Variants in ZNF735 observed in about 807,000 individuals in gnomAD.
The protein encoded by ZNF735 is putative zinc finger protein 735.
In ZNF735, 11 loss-of-function variants were observed where a neutral mutation model predicts 13.4. That is an observed-to-expected ratio of 0.82 (90% confidence interval 0.52 to 1.36). The LOEUF is 1.36. Ranked by LOEUF, ZNF735 falls within the 40% of genes most tolerant of loss-of-function variation. ZNF735 has a pLI of 0.00. For missense variants in ZNF735, 500 were observed against 484.6 expected (o/e 1.03, Z -0.30); for synonymous variants, 171 against 162.6 (o/e 1.05, Z -0.39).
intron 3 of ZNF735, among the ~76,000 whole-genome samples, chr7:64,215,631 A>C (rs1273373861): frequency 6.7e-6 from 1 of 149,750 alleles, no homozygotes; most frequent in African/African-American, 2.5e-5. Flanking sequence ...TCTTTCCACT[A>C]TATTTTTTTC....
At chr7:64,219,171 A>G (rs1584216440) in intron 3 of ZNF735, 143 bp from the exon 4 acceptor site, 3 of 1,066,534 alleles carry the variant, frequency 2.8e-6, no homozygotes, top group East Asian at 2.6e-5. Flanking sequence ...TTACATTTAT[A>G]TATCTATGAA....
intron 1 of ZNF735, among the ~76,000 whole-genome samples, chr7:64,208,740 G>A (rs1420301625): frequency 6.6e-6 from 1 of 152,068 alleles, no homozygotes; most frequent in Non-Finnish European, 1.5e-5. Flanking sequence ...CCTGAACTGA[G>A]CCTCAGTGTC....
Position 64,213,142 on chromosome 7 carries a change from G to A in ZNF735, c.90G>A (p.Trp30Ter). ...CTATAGAATTCTCTCTGGCGGAGTGGCAATGCCTGGATCATGCTCAGCAGA... is the reference window on the plus strand; with the variant it reads ...CTATAGAATTCTCTCTGGCGGAGTGACAATGCCTGGATCATGCTCAGCAGA... The change falls in exon 2 of 4, where the codon TGG becomes TGA. Residue 30 changes from tryptophan to a stop codon, truncating the protein, a stop_gained. Coordinates refer to ENST00000429565, the Ensembl canonical transcript of ZNF735. LOFTEE classifies it high-confidence loss of function. The A allele has an allele frequency of 6.2e-7, 1 of 1,612,754 alleles. No homozygotes were observed. The highest frequency in any genetic ancestry group is 8.5e-7 in the Non-Finnish European group (1 of 1,179,378).
intron 2 of ZNF735, among the ~76,000 whole-genome samples, chr7:64,213,500 A>C (rs558257568): frequency 5.3e-5 from 8 of 152,344 alleles, no homozygotes; most frequent in African/African-American, 1.4e-4. Context: ...GTTGTCACCA[A>C]CAATGTTTGA....
intron 1 of ZNF735, among the ~76,000 whole-genome samples, chr7:64,208,295 T>C (rs1262369085): frequency 2.9e-5 from 4 of 138,948 alleles, no homozygotes; most frequent in Non-Finnish European, 4.6e-5. Context: ...TCTCACTCTG[T>C]CCTCCAGGCT....
intron 1 of ZNF735, among the ~76,000 whole-genome samples, chr7:64,207,891 A>G (rs563503211): frequency 2.6e-5 from 4 of 151,904 alleles, no homozygotes; most frequent in Non-Finnish European, 5.9e-5. Context: ...GTAGTCTGAG[A>G]CAGGAGAATC....
At chr7:64,211,905 A>T (rs1041364158) in intron 1 of ZNF735, among the ~76,000 whole-genome samples, 12 of 147,692 alleles carry the variant, frequency 8.1e-5, no homozygotes, top group African/African-American at 2.4e-4. Flanking sequence ...ATATATATAT[A>T]TATTTATTTA....
At chr7:64,210,105 G>A (rs575148187) in intron 1 of ZNF735, among the ~76,000 whole-genome samples, 1 of 152,220 alleles carries the variant, frequency 6.6e-6, no homozygotes, top group South Asian at 2.1e-4. Flanking sequence ...AGCTCCCAGG[G>A]TGCTATGAAA....
Position 64,219,639 on chromosome 7 carries a change from GT to G in ZNF735, c.592del (p.Ser198HisfsTer3). 2 of 1,580,198 alleles carry G rather than the reference GT, an allele frequency of 1.3e-6. No individual in the cohort carries two copies. Among genetic ancestry groups the G allele is most frequent in the Non-Finnish European group, 1.7e-6 (2 of 1,161,222 alleles). On this transcript the variant is annotated frameshift_variant, in exon 4 of 4. Coordinates refer to ENST00000429565, the Ensembl canonical transcript of ZNF735. LOFTEE classifies it low-confidence loss of function (END_TRUNC). ...AAAAATATGGCAAATCATTTTGCAT[GT>G]TTTCACACCTAAATCAACATCAGAT... is the stretch of plus-strand genomic sequence containing the variant.
chr7:64,207,941 C>T (rs1452174657), intron 1 of ZNF735, among the ~76,000 whole-genome samples: 1 of 151,592 alleles, frequency 6.6e-6, no homozygotes, highest in African/African-American at 2.4e-5. Context: ...GAGCCGAGAT[C>T]GCGCCATTGT....
At chr7:64,219,703 T>C in exon 4 of ZNF735, 2 of 1,591,526 alleles carry the variant, frequency 1.3e-6, no homozygotes, top group Non-Finnish European at 1.7e-6. Flanking sequence ...ATGTGAAGAA[T>C]GTGGCAAATC....
chr7:64,217,377 TA>T (rs1354219750), intron 3 of ZNF735, among the ~76,000 whole-genome samples: 1 of 152,230 alleles, frequency 6.6e-6, no homozygotes, highest in Non-Finnish European at 1.5e-5. Flanking sequence ...TTTTTCATTA[TA>T]AAAGTTTTCT....
At chr7:64,209,031 T>C (rs1787326359) in intron 1 of ZNF735, among the ~76,000 whole-genome samples, 1 of 152,216 alleles carries the variant, frequency 6.6e-6, no homozygotes, top group Non-Finnish European at 1.5e-5. Flanking sequence ...AATAAACATA[T>C]GCGTGCATGT....
At chr7:64,218,188 C>CCGGTTA (rs1381766312) in intron 3 of ZNF735, among the ~76,000 whole-genome samples, 1 of 150,684 alleles carries the variant, frequency 6.6e-6, no homozygotes, top group Non-Finnish European at 1.5e-5. Flanking sequence ...TACATTTTTG[C>CCGGTTA]TGGTTATATT....
intron 1 of ZNF735, among the ~76,000 whole-genome samples, chr7:64,211,974 TGTG>T (rs1443067007): frequency 5.3e-5 from 8 of 151,738 alleles, no homozygotes; most frequent in African/African-American, 9.7e-5. Flanking sequence ...GCAGTGATGT[TGTG>T]TTGTGTGTGC....
At chr7:64,207,292 C>G in intron 1 of ZNF735, 51 bp downstream of exon 1, 1 of 1,614,072 alleles carries the variant, frequency 6.2e-7, no homozygotes. Context: ...TGGTTGGAAC[C>G]GGCTGAAAGT....
intron 3 of ZNF735, among the ~76,000 whole-genome samples, chr7:64,217,722 TC>T (rs1787438917): frequency 6.6e-6 from 1 of 152,070 alleles, no homozygotes; most frequent in Admixed American, 6.5e-5. Flanking sequence ...GGACTCATTT[TC>T]TTTTGTGTGT....
intron 2 of ZNF735, 77 bp downstream of exon 2, chr7:64,213,295 T>C: frequency 7.1e-7 from 1 of 1,411,576 alleles, no homozygotes; most frequent in Admixed American, 2.4e-5. Context: ...TAATTTCTGC[T>C]TTGCATGAAT....
At chr7:64,213,555 A>G (rs1787385266) in intron 2 of ZNF735, among the ~76,000 whole-genome samples, 1 of 152,180 alleles carries the variant, frequency 6.6e-6, no homozygotes, top group Non-Finnish European at 1.5e-5. Context: ...CAAATTTAAA[A>G]TATTTTCTAA....
Sources: gnomAD v4.1 joint callset for allele counts (sites outside exome capture counted in the v4.1 genomes callset) on GRCh38, gnomAD v4.1.1 for gene constraint, MANE v1.5 for transcripts, NCBI Gene and HGNC (gene_info 2026-07-23, HGNC 2026-07-21) for gene names.